P2RY6: variants seen among roughly 807,000 people sequenced by gnomAD.
P2RY6 encodes the protein pyrimidinergic receptor P2Y6.
P2RY6 carries 19 observed loss-of-function variants against 16.3 expected under a neutral mutation model. That is an observed-to-expected ratio of 1.16 (90% CI 0.81 to 1.71). The LOEUF (loss-of-function observed/expected upper bound fraction) is 1.71, where lower values mean the gene tolerates loss of function less well. Among genes scored for constraint, P2RY6 ranks in the 40% most tolerant of loss-of-function variants. The probability of loss-of-function intolerance (pLI) is 0.00; values close to 1 mark genes in which losing one functional copy is unlikely to be tolerated. For missense variants in P2RY6, 389 were observed against 455.5 expected (o/e 0.85, Z 1.33); for synonymous variants, 184 against 201.5 (o/e 0.91, Z 0.74).
At position 73,297,409 on chromosome 11, in the gene P2RY6, C is replaced by T. The variant is rs1463685642; in HGVS notation, c.891C>T (p.Asp297=). ...TTGCCAGTGCCAACAGCGTGCTGGA[C>T]CCCATCCTCTTCTACTTCACCCAGA... ...RPFASANSVL[D]PILFYFTQKK... The change falls in exon 3 of 3, where the codon GAC becomes GAT. Residue 297 remains aspartate, a synonymous_variant. Transcript: ENST00000540124. 1 of 1,612,426 alleles carries T rather than the reference C, an allele frequency of 6.2e-7. No individual in the cohort carries two copies. The highest frequency in any genetic ancestry group is 1.7e-5 in the Admixed American group (1 of 60,036).
In P2RY6 at chr11:73,272,709, A is replaced by G. The variant is rs576037171; in HGVS notation, c.-121+243A>G. On this transcript the variant is annotated intron_variant, in intron 1 of 2. Transcript: ENST00000540124. ...GTGGGGGCGGGGAGGAGATGGACAC[A>G]TTGGTGCTGCGCCGTGCCTTGCTGG... is the stretch of plus-strand genomic sequence containing the variant. 1.9e-4 allele frequency among the ~76,000 whole-genome samples: 29 copies of G among 152,328 alleles called. 1 individual carries two copies. The highest frequency in any genetic ancestry group is 3.8e-4 in the Non-Finnish European group (26 of 68,024).
Position 73,296,754 on chromosome 11 carries a change from T to G in P2RY6, c.236T>G (p.Leu79Arg). Residue 79 changes from leucine to arginine, a missense_variant, in exon 3 of 3, where the codon CTG becomes CGG. Leu to Arg is a moderately radical substitution (Grantham distance 102, BLOSUM62 -2). Coordinates refer to ENST00000540124, the MANE Select transcript of P2RY6 (RefSeq NM_001277204.2). ...ALADLLYACS[L>R]PLLIYNYAQG... Reference sequence around the variant, plus strand: ...GCTGACCTGCTATATGCCTGCTCCCTGCCCCTGCTCATCTACAACTATGCC... The same window carrying G: ...GCTGACCTGCTATATGCCTGCTCCCGGCCCCTGCTCATCTACAACTATGCC... 1 of 1,613,238 alleles carries G rather than the reference T, an allele frequency of 6.2e-7. No homozygotes were observed. The highest frequency in any genetic ancestry group is 8.5e-7 in the Non-Finnish European group (1 of 1,180,038).
At chr11:73,289,434 A>C (rs1864103513) in intron 1 of P2RY6, 1 of 152,386 alleles carries the variant, frequency 6.6e-6, no homozygotes, top group Non-Finnish European at 1.5e-5. Flanking sequence ...CACATCGACC[A>C]GGGTGAGGAC....
chr11:73,272,772 A>G (rs1376914700), intron 1 of P2RY6, among the ~76,000 whole-genome samples: 1 of 152,162 alleles, frequency 6.6e-6, no homozygotes, highest in Non-Finnish European at 1.5e-5. Flanking sequence ...GGAGCCACAA[A>G]GGTCTTGGTT....
chr11:73,296,230 AAAAAT>A (rs1432324892), intron 2 of P2RY6, among the ~76,000 whole-genome samples: 39 of 125,834 alleles, frequency 3.1e-4, no homozygotes, highest in African/African-American at 1.6e-3. Context: ...AAGGAAAAAA[AAAAAT>A]ATATATATAT....
chr11:73,296,240 A>G (rs1367523477), intron 2 of P2RY6, among the ~76,000 whole-genome samples: 1 of 125,628 alleles, frequency 8.0e-6, no homozygotes, highest in African/African-American at 4.0e-5. Flanking sequence ...AAAAATATAT[A>G]TATATATATA....
intron 1 of P2RY6, among the ~76,000 whole-genome samples, chr11:73,274,130 C>A (rs1294141996): frequency 1.3e-5 from 2 of 152,148 alleles, no homozygotes; most frequent in Non-Finnish European, 1.5e-5. Flanking sequence ...TTTACTGTTC[C>A]CATTTTACAG....
chr11:73,290,852 G>A (rs562383332), intron 1 of P2RY6, among the ~76,000 whole-genome samples: 40 of 152,370 alleles, frequency 2.6e-4, no homozygotes, highest in Admixed American at 2.3e-3. Flanking sequence ...CCCGGTGAGA[G>A]CAAGGCAGTT....
upstream of P2RY6, among the ~76,000 whole-genome samples, chr11:73,268,406 T>C (rs1002467061): frequency 9.9e-5 from 15 of 152,256 alleles, no homozygotes; most frequent in Non-Finnish European, 2.2e-4. Context: ...GGAGGATCGA[T>C]TGAGACCAGG....
At chr11:73,292,112 A>T (rs1864276984) in intron 1 of P2RY6, among the ~76,000 whole-genome samples, 1 of 152,338 alleles carries the variant, frequency 6.6e-6, no homozygotes, top group Admixed American at 6.5e-5. Flanking sequence ...GCTGGGGTGG[A>T]TGAGGCAGCT....
chr11:73,294,682 A>C (rs1864403300), intron 1 of P2RY6, among the ~76,000 whole-genome samples: 1 of 152,262 alleles, frequency 6.6e-6, no homozygotes, highest in Admixed American at 6.5e-5. Flanking sequence ...ATGGGATAAA[A>C]TAGCTCCACC....
At chr11:73,273,951 C>T (rs542720086) in intron 1 of P2RY6, among the ~76,000 whole-genome samples, 7 of 152,292 alleles carry the variant, frequency 4.6e-5, no homozygotes, top group African/African-American at 1.7e-4. Flanking sequence ...ATCCTCCTGC[C>T]TCAACCTAAA....
chr11:73,296,838 A>G lies in P2RY6; in HGVS notation c.320A>G (p.Tyr107Cys). The G allele has an allele frequency of 6.2e-7, 1 of 1,610,598 alleles. No homozygotes were observed. The highest frequency in any genetic ancestry group is 8.5e-7 in the Non-Finnish European group (1 of 1,179,988). ...TGCCGCCTGGTCCGCTTCCTCTTCT[A>G]TGCCAACCTGCACGGCAGCATCCTC... ...FACRLVRFLF[Y>C]ANLHGSILFL... Residue 107 changes from tyrosine (Y) to cysteine (C), a missense_variant, in exon 3 of 3, where the codon TAT becomes TGT. By Grantham distance (194) the Tyr-to-Cys change is radical. Coordinates refer to ENST00000540124, the MANE Select transcript of P2RY6 (RefSeq NM_001277204.2).
In P2RY6 at chr11:73,297,346, G is replaced by A. The variant is rs779936701; in HGVS notation, c.828G>A (p.Leu276=). The stretch of plus-strand genomic sequence containing the variant: ...CGCCGGGCGTCCCCTGCACTGTATT[G>A]GAGGCCTTTGCAGCGGCCTACAAAG... The part of the protein sequence containing the change: ...RSTPGVPCTV[L]EAFAAAYKGT... The change falls in exon 3 of 3, where the codon TTG becomes TTA. Residue 276 remains leucine (L), a synonymous_variant. Coordinates refer to ENST00000540124, the MANE Select transcript of P2RY6 (RefSeq NM_001277204.2). The A allele has an allele frequency of 6.2e-7, 1 of 1,612,390 alleles. No homozygotes were observed. Among genetic ancestry groups the A allele is most frequent in the Admixed American group, 1.7e-5 (1 of 60,038 alleles).
chr11:73,267,768 T>C (rs1191368238), upstream of P2RY6, among the ~76,000 whole-genome samples: 1 of 152,200 alleles, frequency 6.6e-6, no homozygotes, highest in Non-Finnish European at 1.5e-5. Context: ...AATCCTCCCA[T>C]AGAAACCTTT....
At chr11:73,276,398 C>T (rs1355319154) in intron 1 of P2RY6, among the ~76,000 whole-genome samples, 2 of 152,126 alleles carry the variant, frequency 1.3e-5, no homozygotes, top group Admixed American at 6.5e-5. Context: ...ATTTAAAACA[C>T]AAAAACTTCT....
upstream of P2RY6, among the ~76,000 whole-genome samples, chr11:73,267,408 G>A (rs148141917): frequency 2.0e-3 from 310 of 152,218 alleles, no homozygotes; most frequent in Non-Finnish European, 3.2e-3. Flanking sequence ...CTCAGGGGAC[G>A]GTGGCCCTAG....
At chr11:73,292,951 C>A in intron 1 of P2RY6, 1 of 386,836 alleles carries the variant, frequency 2.6e-6, no homozygotes, top group Non-Finnish European at 3.1e-6. Context: ...GGGCCATGGG[C>A]CAGTGCAGGG....
At chr11:73,282,905 A>G (rs1304321840) in intron 1 of P2RY6, among the ~76,000 whole-genome samples, 1 of 152,190 alleles carries the variant, frequency 6.6e-6, no homozygotes, top group East Asian at 1.9e-4. Flanking sequence ...GTATTGGGCT[A>G]GGTGATCTAG....
Sources: allele counts gnomAD v4.1 joint callset (sites outside exome capture counted in the v4.1 genomes callset), GRCh38; gene constraint gnomAD v4.1.1; transcripts MANE v1.5; gene names NCBI Gene and HGNC (gene_info 2026-07-23, HGNC 2026-07-21).